The following ACSM4 variants were observed in gnomAD, a reference collection of about 807,000 sequenced individuals.
ACSM4 encodes acyl-CoA synthetase medium chain family member 4.
ACSM4 carries 66 observed loss-of-function variants against 73.0 expected under a neutral mutation model. The observed-to-expected ratio is 0.90, with a 90% CI of 0.74 to 1.11. ACSM4 has a LOEUF of 1.11. Among genes scored for constraint, ACSM4 ranks in the 50% least tolerant of loss-of-function variants. The pLI, the probability that ACSM4 is intolerant of heterozygous loss-of-function variation, is 0.00. For synonymous variants in ACSM4, 222 were observed against 254.0 expected, an observed-to-expected ratio of 0.87 and a Z score of 1.20; for missense variants, 645 against 714.4, an observed-to-expected ratio of 0.90 and a Z score of 1.11.
chr12:7,318,458 G>T (rs1038138560), intron 5 of ACSM4: 1 of 349,012 alleles, frequency 2.9e-6, no homozygotes, highest in Non-Finnish European at 5.2e-6. Flanking sequence ...TAAGAAACTG[G>T]TTCTAAATAA....
At chr12:7,319,589 C>CA (rs757305753) in intron 5 of ACSM4, among the ~76,000 whole-genome samples, 619 of 52,778 alleles carry the variant, frequency 0.012, no homozygotes, top group Non-Finnish European at 0.017. Flanking sequence ...GACTCCGTCT[C>CA]AAAAAAAAAA....
At chr12:7,328,151 T>C in intron 12 of ACSM4, 136 bp from the exon 13 acceptor site, 1 of 588,604 alleles carries the variant, frequency 1.7e-6, no homozygotes, top group Non-Finnish European at 2.9e-6. Flanking sequence ...CTGGTGTCCA[T>C]GAAATTCAAT....
intron 5 of ACSM4, among the ~76,000 whole-genome samples, chr12:7,319,587 C>A (rs1318235687): frequency 1.4e-5 from 2 of 142,308 alleles, no homozygotes; most frequent in Non-Finnish European, 3.0e-5. Flanking sequence ...AAGACTCCGT[C>A]TCAAAAAAAA....
intron 3 of ACSM4, among the ~76,000 whole-genome samples, chr12:7,315,041 C>G (rs1946411380): frequency 6.6e-6 from 1 of 151,794 alleles, no homozygotes; most frequent in Non-Finnish European, 1.5e-5. Flanking sequence ...ACTAAAAATA[C>G]AAAAATTAGC....
At chr12:7,320,617 C>A in intron 5 of ACSM4, 108 bp from the exon 6 acceptor site, 1 of 861,646 alleles carries the variant, frequency 1.2e-6, no homozygotes, top group Non-Finnish European at 1.9e-6. Context: ...GTAGTGACCA[C>A]GGGATGGGCA....
chr12:7,327,187 C>T (rs893211446), intron 12 of ACSM4, 92 bp downstream of exon 12: 2 of 1,379,064 alleles, frequency 1.5e-6, no homozygotes, highest in Admixed American at 2.7e-5. Flanking sequence ...TTTATAGTAG[C>T]TCATTATATA....
intron 11 of ACSM4, 83 bp from the exon 12 acceptor site, chr12:7,326,893 A>C (rs1407027998): frequency 1.4e-6 from 2 of 1,402,796 alleles, no homozygotes; most frequent in Non-Finnish European, 1.9e-6. Context: ...ATAAATAGTA[A>C]GCACCTGTGT....
chr12:7,318,879 C>G (rs1213631061), intron 5 of ACSM4, among the ~76,000 whole-genome samples: 1 of 152,170 alleles, frequency 6.6e-6, no homozygotes, highest in Non-Finnish European at 1.5e-5. Flanking sequence ...GCTAAATGGT[C>G]TGACAAGATG....
chr12:7,323,497 A>T lies in ACSM4; in HGVS notation c.1245A>T (p.Lys415Asn), dbSNP rs1249631448. 1 of 1,613,934 alleles carries T rather than the reference A, an allele frequency of 6.2e-7. No homozygotes were observed. The highest frequency in any genetic ancestry group is 1.7e-5 in the Admixed American group (1 of 60,010). ...DENGNVLPPG[K>N]EGEIALRLKP... is the part of the protein sequence containing the mutation. ...ATGGCAATGTTCTACCACCTGGCAA[A>T]GAAGGGGAAATTGCCCTCAGACTCA... The change falls in exon 9 of 13, where the codon AAA becomes AAT. Residue 415 changes from lysine (K) to asparagine (N), a missense_variant. Coordinates refer to ENST00000399422, the MANE Select transcript of ACSM4 (RefSeq NM_001080454.2).
intron 11 of ACSM4, among the ~76,000 whole-genome samples, chr12:7,326,056 G>A (rs1946501979): frequency 1.3e-5 from 2 of 152,174 alleles, no homozygotes; most frequent in South Asian, 4.1e-4. Context: ...ATCAATGTAT[G>A]AACAATAAAT....
At chr12:7,310,485 T>G in intron 2 of ACSM4, 54 bp from the exon 3 acceptor site, 1 of 1,522,364 alleles carries the variant, frequency 6.6e-7, no homozygotes. Flanking sequence ...AAAGCCCAAG[T>G]CTTCCACAAT....
intron 12 of ACSM4, among the ~76,000 whole-genome samples, chr12:7,327,346 G>C (rs1946515718): frequency 1.3e-5 from 2 of 152,156 alleles, no homozygotes; most frequent in Non-Finnish European, 2.9e-5. Context: ...GGACTAACTA[G>C]TCCCATTCTG....
rs80347581 is a variant in ACSM4, at chr12:7,318,256, T to G, written c.921+74T>G. ...TCCCATAAAATCACAAAGAAATTAT[T>G]CCTTAGAATACAAGGCTTCTTGGGC... On this transcript the variant is annotated intron_variant, in intron 5 of 12. Transcript: ENST00000399422. 4,396 of 1,557,670 alleles carry G rather than the reference T, an allele frequency of 2.8e-3. 228 individuals are homozygous for G. In the East Asian group the frequency reaches 0.083, roughly 29 times the overall value.
chr12:7,312,146 G>C (rs1946394616), intron 3 of ACSM4, among the ~76,000 whole-genome samples: 1 of 152,168 alleles, frequency 6.6e-6, no homozygotes, highest in Non-Finnish European at 1.5e-5. Flanking sequence ...AAAAAGTTTG[G>C]CAACCCCTGC....
chr12:7,318,280 G>A, intron 5 of ACSM4, 98 bp downstream of exon 5: 1 of 1,468,426 alleles, frequency 6.8e-7, no homozygotes, highest in Non-Finnish European at 9.2e-7. Context: ...GGCTTCTTGG[G>A]CTTTTGGAAA....
chr12:7,315,987 T>C (rs1044235715), intron 3 of ACSM4, among the ~76,000 whole-genome samples: 1 of 152,178 alleles, frequency 6.6e-6, no homozygotes, highest in Non-Finnish European at 1.5e-5. Flanking sequence ...TGAAGTTTCT[T>C]GAGGCCTAGG....
Position 7,328,664 on chromosome 12 carries a change from T to C in ACSM4, c.*291T>C, listed in dbSNP as rs756864923. 1 of 187,440 alleles carries C rather than the reference T, an allele frequency of 5.3e-6. No individual in the cohort carries two copies. The highest frequency in any genetic ancestry group is 1.1e-4 in the South Asian group (1 of 9,324). 11.6% of individuals were successfully genotyped at this position (187,440 alleles called of 1,614,324 possible). On this transcript the variant is annotated 3_prime_UTR_variant, in exon 13 of 13. Coordinates refer to ENST00000399422, the MANE Select transcript of ACSM4 (RefSeq NM_001080454.2). ...ATTGCTTAGAACAAGAAAGTGCACA[T>C]TGAATCTGTATTTCATTTACCTTGT... is the stretch of plus-strand genomic sequence containing the variant.
At chr12:7,320,636 T>C (rs1341212469) in intron 5 of ACSM4, 89 bp from the exon 6 acceptor site, 1 of 1,087,818 alleles carries the variant, frequency 9.2e-7, no homozygotes, top group East Asian at 2.5e-5. Flanking sequence ...CACATATTAA[T>C]GGAAGAAAAT....
intron 3 of ACSM4, among the ~76,000 whole-genome samples, chr12:7,313,991 T>C (rs1469632163): frequency 2.0e-5 from 3 of 152,208 alleles, no homozygotes; most frequent in Non-Finnish European, 4.4e-5. Context: ...ATGTAGAGGA[T>C]TAGTTTGAGA....
Sources: allele counts gnomAD v4.1 joint callset (sites outside exome capture counted in the v4.1 genomes callset), GRCh38; gene constraint gnomAD v4.1.1; transcripts MANE v1.5; gene names NCBI Gene and HGNC (gene_info 2026-07-23, HGNC 2026-07-21).